The following AGAP1 variants were observed in gnomAD, a reference collection of about 807,000 sequenced individuals.
The protein encoded by AGAP1 is ArfGAP with GTPase domain, ankyrin repeat and PH domain 1.
A neutral mutation model predicts 105.3 loss-of-function variants in AGAP1; 29 were observed. The observed-to-expected ratio is 0.28, with a 90% CI of 0.21 to 0.38. The LOEUF (loss-of-function observed/expected upper bound fraction) is 0.38, where lower values mean the gene tolerates loss of function less well. Among genes scored for constraint, AGAP1 ranks in the 10% least tolerant of loss-of-function variants. The pLI, the probability that AGAP1 is intolerant of heterozygous loss-of-function variation, is 1.00. For missense variants in AGAP1, 998 were observed against 1,165.1 expected, an observed-to-expected ratio of 0.86 and a Z score of 2.09; for synonymous variants, 509 against 485.9, an observed-to-expected ratio of 1.05 and a Z score of -0.63.
At chr2:235,686,659 ATATATATTT>A (rs1559351222) in intron 1 of AGAP1, among the ~76,000 whole-genome samples, 3 of 42,278 alleles carry the variant, frequency 7.1e-5, no homozygotes, top group African/African-American at 4.4e-4. Flanking sequence ...ATATATATAT[ATATATATTT>A]TTTTTTTTTT....
At chr2:235,648,017 AG>A (rs1947449969) in intron 1 of AGAP1, among the ~76,000 whole-genome samples, 1 of 152,164 alleles carries the variant, frequency 6.6e-6, no homozygotes, top group Non-Finnish European at 1.5e-5. Flanking sequence ...TGGCTTCTTG[AG>A]GACCTTCCAA....
At position 235,891,444 on chromosome 2, in the gene AGAP1, AG is replaced by A. The variant is rs2050535079; in HGVS notation, c.1155+7998del. On this transcript the variant is annotated intron_variant, in intron 10 of 17. Transcript: ENST00000304032. This position sits in a 1 kb window ranked among gnomAD's most constrained non-coding sequence, Gnocchi z 4.2. Reference sequence around the variant, plus strand: ...GCTGGATCACAGTTCAGGTGGATCGAGGGCAGCCTGTTCTAAGACCCTGAGA... The same window carrying A: ...GCTGGATCACAGTTCAGGTGGATCGAGGCAGCCTGTTCTAAGACCCTGAGA... 6.6e-6 allele frequency among the ~76,000 whole-genome samples: 1 copy of A among 152,182 alleles called. No individual in the cohort carries two copies. Among genetic ancestry groups the A allele is most frequent in the South Asian group, 2.1e-4 (1 of 4,818 alleles).
At chr2:235,949,606 C>T (rs1175101440) in intron 12 of AGAP1, among the ~76,000 whole-genome samples, 1 of 152,192 alleles carries the variant, frequency 6.6e-6, no homozygotes, top group African/African-American at 2.4e-5. Flanking sequence ...TAGCGAATTC[C>T]ATTTTTGTGC....
At chr2:235,853,168 T>C in intron 9 of AGAP1, 1 of 1,115,968 alleles carries the variant, frequency 9.0e-7, no homozygotes. Context: ...GTACAAGCAG[T>C]GGTAGAAACA....
intron 13 of AGAP1, among the ~76,000 whole-genome samples, chr2:236,031,874 T>C (rs923878469): frequency 6.6e-6 from 1 of 152,150 alleles, no homozygotes; most frequent in South Asian, 2.1e-4. Flanking sequence ...CCCTGAGTGA[T>C]AGAGACAGGA....
At chr2:235,812,159 C>CA (rs1306565756) in intron 9 of AGAP1, among the ~76,000 whole-genome samples, 1 of 152,008 alleles carries the variant, frequency 6.6e-6, no homozygotes, top group Non-Finnish European at 1.5e-5. Flanking sequence ...CAACATCCCT[C>CA]AAAAAAACTT....
intron 10 of AGAP1, among the ~76,000 whole-genome samples, chr2:235,907,065 A>G (rs998294279): frequency 1.3e-5 from 2 of 152,166 alleles, no homozygotes; most frequent in Non-Finnish European, 2.9e-5. Context: ...CCTGGAAGCC[A>G]CTGGGATCTC....
rs930546079 is a variant in AGAP1, at chr2:236,049,248, A to G, written c.2081A>G (p.Gln694Arg). Reference sequence around the variant, plus strand: ...AACAGCGTCTGGGAAGAGAGCAGCCAGGGGCGGACGAAACCATCGGTAGAC... The same window carrying G: ...AACAGCGTCTGGGAAGAGAGCAGCCGGGGGCGGACGAAACCATCGGTAGAC... ...LANSVWEESS[Q>R]GRTKPSVDST... The change falls in exon 16 of 18, where the codon CAG (glutamine) becomes CGG (arginine). Residue 694 changes from glutamine to arginine, a missense_variant. By Grantham distance (43) the Gln-to-Arg change is conservative. Transcript: ENST00000304032. The G allele has an allele frequency of 6.2e-7, 1 of 1,614,100 alleles. No homozygotes were observed. Among genetic ancestry groups the G allele is most frequent in the Non-Finnish European group, 8.5e-7 (1 of 1,180,042 alleles).
chr2:235,934,498 G>GGC lies in AGAP1; in HGVS notation c.1483+3576_1483+3577dup, dbSNP rs1464819050. 5.3e-5 allele frequency among the ~76,000 whole-genome samples: 8 copies of GGC among 152,124 alleles called. No individual in the cohort carries two copies. The highest frequency in any genetic ancestry group is 1.9e-4 in the African/African-American group (8 of 41,398). ...CCCAGCAATGTTTAGTGAACACCAG[G>GGC]GCACAGGATCTGATGGACAACTTCC... On this transcript the variant is annotated intron_variant, in intron 12 of 17. Transcript: ENST00000304032. The surrounding 1 kb of genome is among the most constrained non-coding windows in gnomAD (Gnocchi z 4.9).
At chr2:235,502,657 G>A (rs923719045) in intron 1 of AGAP1, among the ~76,000 whole-genome samples, 5 of 148,588 alleles carry the variant, frequency 3.4e-5, no homozygotes, top group Non-Finnish European at 7.4e-5. Flanking sequence ...TGCTCATGCC[G>A]TCTGGTTGTC....
chr2:236,042,900 G>A lies in AGAP1; in HGVS notation c.1891+2059G>A, dbSNP rs140573474. On this transcript the variant is annotated intron_variant, in intron 15 of 17. Transcript: ENST00000304032. The surrounding 1 kb of genome is among the most constrained non-coding windows in gnomAD (Gnocchi z 5.6). ...AGCCCGGTGCCAAACCCTCCCATGC[G>A]CTGTCTTTTCATTCTGCAACCCTAG... Among the ~76,000 whole-genome samples the A allele has an allele frequency of 2.6e-5, 4 of 152,216 alleles. No individual in the cohort carries two copies. Among genetic ancestry groups the A allele is most frequent in the Non-Finnish European group, 4.4e-5 (3 of 68,042 alleles).
chr2:235,609,789 A>C lies in AGAP1; in HGVS notation c.164-99390A>C, dbSNP rs1192564942. Among the ~76,000 whole-genome samples the C allele has an allele frequency of 1.2e-4, 18 of 152,034 alleles. No individual in the cohort carries two copies. The highest frequency in any genetic ancestry group is 1.2e-3 in the Admixed American group (18 of 15,254). On this transcript the variant is annotated intron_variant, in intron 1 of 17. Transcript: ENST00000304032. This position sits in a 1 kb window ranked among gnomAD's most constrained non-coding sequence, Gnocchi z 5.1. ...TTCACTCCCAACTCACAGGCCAGAA[A>C]GTGTAGTGGGAGGCTGTGGGCATAT...
Position 235,872,621 on chromosome 2 carries a change from A to C in AGAP1, c.1051-10724A>C, listed in dbSNP as rs2106567559. 6.6e-6 allele frequency among the ~76,000 whole-genome samples: 1 copy of C among 152,298 alleles called. No homozygotes were observed. Among genetic ancestry groups the C allele is most frequent in the South Asian group, 2.1e-4 (1 of 4,828 alleles). ...TAAAAGTTTCAAATGAACTATTTTT[A>C]GGGTTTTCCATTTTCTTGGTCCTTA... On this transcript the variant is annotated intron_variant, in intron 9 of 17. Transcript: ENST00000304032. The surrounding 1 kb of genome is among the most constrained non-coding windows in gnomAD (Gnocchi z 4.5).
chr2:235,590,394 C>T (rs564949085), intron 1 of AGAP1, among the ~76,000 whole-genome samples: 6 of 152,096 alleles, frequency 3.9e-5, no homozygotes, highest in Non-Finnish European at 5.9e-5. Flanking sequence ...CACAGATTCC[C>T]GGTGTCTGCA....
At chr2:235,798,335 C>T (rs1957337097) in intron 7 of AGAP1, among the ~76,000 whole-genome samples, 1 of 152,168 alleles carries the variant, frequency 6.6e-6, no homozygotes, top group Non-Finnish European at 1.5e-5. Flanking sequence ...CAACATTTTG[C>T]AAAAGTATTT....
intron 9 of AGAP1, among the ~76,000 whole-genome samples, chr2:235,839,696 C>A (rs1559548626): frequency 6.6e-6 from 1 of 152,158 alleles, no homozygotes; most frequent in South Asian, 2.1e-4. Context: ...TTCGTTTCCA[C>A]CCCCTTAAGA....
intron 1 of AGAP1, among the ~76,000 whole-genome samples, chr2:235,562,162 T>C (rs1231822656): frequency 6.6e-6 from 1 of 152,228 alleles, no homozygotes; most frequent in East Asian, 1.9e-4. Context: ...CTATTCACCA[T>C]GATTTAAAGT....
intron 6 of AGAP1, among the ~76,000 whole-genome samples, chr2:235,780,438 C>T (rs1028137118): frequency 6.6e-6 from 1 of 152,072 alleles, no homozygotes; most frequent in Non-Finnish European, 1.5e-5. Context: ...CAGTGTGATT[C>T]TTGGTGGTTT....
At chr2:235,785,134 A>G (rs1956543779) in intron 6 of AGAP1, among the ~76,000 whole-genome samples, 1 of 152,238 alleles carries the variant, frequency 6.6e-6, no homozygotes, top group African/African-American at 2.4e-5. Context: ...CCACTTTAAG[A>G]AGAAAATGTC....
Sources: gnomAD v4.1 joint callset for allele counts (sites outside exome capture counted in the v4.1 genomes callset) on GRCh38, gnomAD v4.1.1 for gene constraint, Gnocchi (gnomAD v3.1) non-coding constraint, MANE v1.5 for transcripts, NCBI Gene and HGNC (gene_info 2026-07-23, HGNC 2026-07-21) for gene names.